Variants in CEP112 observed in about 807,000 individuals in gnomAD.
CEP112 encodes the protein centrosomal protein 112.
A neutral mutation model predicts 153.0 loss-of-function variants in CEP112; 127 were observed. That is an observed-to-expected ratio of 0.83 (90% CI 0.72 to 0.96). The LOEUF is 0.96. Among genes scored for constraint, CEP112 ranks in the 40% least tolerant of loss-of-function variants. The pLI is 0.00. For missense variants in CEP112, 1,089 were observed against 1,101.2 expected (o/e 0.99, Z 0.16); for synonymous variants, 358 against 374.4 (o/e 0.96, Z 0.51).
chr17:66,063,080 A>C lies in CEP112; in HGVS notation c.957T>G (p.Val319=). 2 of 1,518,838 alleles carry C rather than the reference A, an allele frequency of 1.3e-6. No homozygotes were observed. Among genetic ancestry groups the C allele is most frequent in the Non-Finnish European group, 1.8e-6 (2 of 1,128,466 alleles). 94.1% of individuals were successfully genotyped at this position (1,518,838 alleles called of 1,614,324 possible). A position where few individuals can be genotyped will look rare whatever the true frequency, so the allele number is the denominator to read the frequency against. The part of the protein sequence containing the change: ...EETIRKLEKK[V]QTLIRDCQVI... ...CTTGACAGTCACGTATCAGTGTCTGAACTGTCAAAAATTTTGAAAACATAG... is the reference window on the plus strand; with the variant it reads ...CTTGACAGTCACGTATCAGTGTCTGCACTGTCAAAAATTTTGAAAACATAG... The change falls in exon 11 of 27, where the codon GTT becomes GTG. Residue 319 remains valine, a splice_region_variant and synonymous_variant. Transcript: ENST00000535342.
At chr17:65,833,428 A>C in intron 21 of CEP112, among the ~76,000 whole-genome samples, 1 of 152,108 alleles carries the variant, frequency 6.6e-6, no homozygotes, top group Non-Finnish European at 1.5e-5. Flanking sequence ...CTCTGTTTGC[A>C]GACATGATTC....
intron 12 of CEP112, among the ~76,000 whole-genome samples, chr17:66,030,619 T>C (rs986375272): frequency 8.1e-6 from 1 of 122,716 alleles, no homozygotes; most frequent in African/African-American, 2.6e-5. Context: ...TTCTCTACTC[T>C]TCCACAGTAT....
chr17:65,931,060 A>G (rs2061105535), intron 18 of CEP112, among the ~76,000 whole-genome samples: 1 of 152,236 alleles, frequency 6.6e-6, no homozygotes, highest in African/African-American at 2.4e-5. Context: ...AGTAATGCAG[A>G]TAATGAGCCC....
At chr17:65,757,521 A>G (rs1366921311) in intron 21 of CEP112, among the ~76,000 whole-genome samples, 1 of 152,190 alleles carries the variant, frequency 6.6e-6, no homozygotes, top group Non-Finnish European at 1.5e-5. Flanking sequence ...AAGCATCAGG[A>G]CCCACTTGAA....
At chr17:65,656,229 AT>A (rs2046057486) in intron 24 of CEP112, among the ~76,000 whole-genome samples, 1 of 152,220 alleles carries the variant, frequency 6.6e-6, no homozygotes, top group Non-Finnish European at 1.5e-5. Flanking sequence ...CATTGATGTC[AT>A]TCTGGAATTG....
At chr17:66,116,807 A>AGTTT (rs932684715) in intron 6 of CEP112, among the ~76,000 whole-genome samples, 3 of 151,746 alleles carry the variant, frequency 2.0e-5, no homozygotes, top group Admixed American at 2.0e-4. Context: ...TCACTTTTAG[A>AGTTT]AACTGCCATA....
At chr17:66,061,604 T>C (rs964409406) in intron 11 of CEP112, among the ~76,000 whole-genome samples, 1 of 150,858 alleles carries the variant, frequency 6.6e-6, no homozygotes, top group South Asian at 2.1e-4. Flanking sequence ...ACTGGAATAC[T>C]ATTCATCCAT....
intron 21 of CEP112, among the ~76,000 whole-genome samples, chr17:65,834,446 T>A (rs1472610981): frequency 1.3e-5 from 2 of 152,074 alleles, no homozygotes; most frequent in Non-Finnish European, 2.9e-5. Flanking sequence ...ATTCGCAAAC[T>A]ATGCATGTAA....
chr17:66,099,280 G>T (rs1255425012), intron 6 of CEP112, among the ~76,000 whole-genome samples: 3 of 152,168 alleles, frequency 2.0e-5, no homozygotes, highest in Non-Finnish European at 4.4e-5. Flanking sequence ...AAGGCAGGCA[G>T]ATCACCTGCA....
rs577460969 is a variant in CEP112, at chr17:66,084,120, G to A, written c.768+12131C>T. On this transcript the variant is annotated intron_variant, in intron 8 of 26. Coordinates refer to ENST00000535342, the MANE Select transcript of CEP112 (RefSeq NM_001199165.4). Reference sequence around the variant, plus strand: ...AAAACTACCAGGAGATATCATTTCAGTCCAGTTAAAATGCCTTTTATCCAA... The same window carrying A: ...AAAACTACCAGGAGATATCATTTCAATCCAGTTAAAATGCCTTTTATCCAA... Among the ~76,000 whole-genome samples the A allele has an allele frequency of 1.1e-4, 17 of 152,242 alleles. No individual in the cohort carries two copies. The South Asian group carries it at 3.5e-3, about 32-fold the overall frequency.
intron 23 of CEP112, among the ~76,000 whole-genome samples, chr17:65,713,165 A>G (rs1192084377): frequency 1.3e-5 from 2 of 152,158 alleles, no homozygotes; most frequent in African/African-American, 4.8e-5. Flanking sequence ...TGGCAGCTTT[A>G]TGGAAATGCA....
At chr17:65,869,300 T>A (rs576352327) in intron 20 of CEP112, among the ~76,000 whole-genome samples, 1 of 152,358 alleles carries the variant, frequency 6.6e-6, no homozygotes, top group Admixed American at 6.5e-5. Context: ...CGGAAGTGCA[T>A]GTGTGTTTTT....
chr17:66,122,548 T>C (rs1470114415), intron 6 of CEP112, among the ~76,000 whole-genome samples: 1 of 152,204 alleles, frequency 6.6e-6, no homozygotes, highest in Non-Finnish European at 1.5e-5. Flanking sequence ...CCCCTCAGTG[T>C]ATGCAGCCTT....
intron 24 of CEP112, among the ~76,000 whole-genome samples, chr17:65,685,742 G>A (rs1417107142): frequency 1.5e-5 from 2 of 137,624 alleles, no homozygotes. Flanking sequence ...GCACAATCTC[G>A]GCTCACTGCA....
At chr17:65,637,227 C>T (rs1252270732) in intron 25 of CEP112, 39 bp from the exon 26 acceptor site, 1 of 1,389,652 alleles carries the variant, frequency 7.2e-7, no homozygotes, top group South Asian at 1.2e-5. Context: ...GTGGACGTGG[C>T]TTACATGTCA....
At chr17:65,642,272 T>C (rs2045184116) in intron 24 of CEP112, among the ~76,000 whole-genome samples, 1 of 152,244 alleles carries the variant, frequency 6.6e-6, no homozygotes. Context: ...CAGTGTATCA[T>C]ACCAAGTGAT....
intron 23 of CEP112, among the ~76,000 whole-genome samples, chr17:65,703,049 T>C (rs2144614283): frequency 6.6e-6 from 1 of 152,276 alleles, no homozygotes; most frequent in African/African-American, 2.4e-5. Context: ...TACATCAGGT[T>C]CATTGCTATC....
intron 21 of CEP112, among the ~76,000 whole-genome samples, chr17:65,756,365 C>T (rs1305009809): frequency 7.5e-6 from 1 of 133,968 alleles, no homozygotes; most frequent in African/African-American, 2.9e-5. Flanking sequence ...GAGATCGTGC[C>T]ATTGCACTCC....
rs138609509 is a variant in CEP112, at chr17:65,644,192, G to A, written c.2698-3127C>T. The A allele has an allele frequency of 1.1e-4, 84 of 741,710 alleles. 1 individual carries two copies. Among genetic ancestry groups the A allele is most frequent in the Middle Eastern group, 1.0e-3 (3 of 2,944 alleles). The allele number at this position is 741,710 out of a possible 1,614,324, so 45.9% of individuals were successfully genotyped here. ...GCAGTTGTTCTTCAGCTATGGTTGC[G>A]TTGGGGACCAGAAAGTGGCCATAGC... On this transcript the variant is annotated intron_variant, in intron 24 of 26. Coordinates refer to ENST00000535342, the MANE Select transcript of CEP112 (RefSeq NM_001199165.4).
Sources: gnomAD v4.1 joint callset for allele counts (sites outside exome capture counted in the v4.1 genomes callset) on GRCh38, gnomAD v4.1.1 for gene constraint, MANE v1.5 for transcripts, NCBI Gene and HGNC (gene_info 2026-07-23, HGNC 2026-07-21) for gene names.